Variants in MYOCD observed in about 807,000 individuals in gnomAD.
MYOCD encodes myocardin.
A neutral mutation model predicts 96.1 loss-of-function variants in MYOCD; 32 were observed. The observed-to-expected ratio is 0.33, with a 90% CI of 0.25 to 0.45. The LOEUF is 0.45. Among genes scored for constraint, MYOCD ranks in the 20% least tolerant of loss-of-function variants. MYOCD has a pLI of 1.00. For synonymous variants in MYOCD, 469 were observed against 469.0 expected, an observed-to-expected ratio of 1.00 and a Z score of 0.00; for missense variants, 1,133 against 1,200.6, an observed-to-expected ratio of 0.94 and a Z score of 0.83.
chr17:12,699,627 G>C (rs879352061), intron 1 of MYOCD, among the ~76,000 whole-genome samples: 2 of 152,028 alleles, frequency 1.3e-5, no homozygotes, highest in Non-Finnish European at 2.9e-5. Flanking sequence ...TATGCTCATC[G>C]TTTTTTCAGA....
In MYOCD at chr17:12,767,871, T is replaced by C. The variant is rs1290409275; in HGVS notation, c.*4227T>C. On this transcript the variant is annotated 3_prime_UTR_variant, in exon 14 of 14. Coordinates refer to ENST00000425538, the MANE Select transcript of MYOCD (RefSeq NM_001146312.3). ...AAGCATTTTTGTGTCCTATCCCTAC[T>C]TATCGTAGCAGCTCTATAGACAAAA... 1 of 152,168 alleles carries C rather than the reference T, an allele frequency of 6.6e-6. No homozygotes were observed. The highest frequency in any genetic ancestry group is 6.6e-5 in the Admixed American group (1 of 15,266). The allele number at this position is 152,168 out of a possible 1,614,324, so 9.4% of individuals were successfully genotyped here.
rs4054959 is a variant in MYOCD at position 12,714,323 on chromosome 17, GCA to G, written c.122-1158_122-1157del. On this transcript the variant is annotated intron_variant, in intron 2 of 13. Transcript: ENST00000425538. ...GTCTTAAGGGTTGAATGAGGCACGT[GCA>G]CACACACACACACACACACACACAC... Among the ~76,000 whole-genome samples, 577 of 136,122 alleles carry G rather than the reference GCA, an allele frequency of 4.2e-3. 5 individuals carry two copies. Among genetic ancestry groups the G allele is most frequent in the South Asian group, 8.1e-3 (32 of 3,952 alleles). The allele number at this position is 136,122 out of a possible 152,430, so 89.3% of individuals were successfully genotyped here.
chr17:12,742,274 C>T (rs1455720820), intron 7 of MYOCD, among the ~76,000 whole-genome samples: 2 of 152,168 alleles, frequency 1.3e-5, no homozygotes, highest in Non-Finnish European at 2.9e-5. Context: ...GTTCATTATT[C>T]ATTAGTCGCC....
chr17:12,735,595 T>TGA (rs1395596547), intron 5 of MYOCD, among the ~76,000 whole-genome samples: 1 of 152,228 alleles, frequency 6.6e-6, no homozygotes, highest in Non-Finnish European at 1.5e-5. Context: ...GTTGAATGGC[T>TGA]CTTTGGGATG....
intron 1 of MYOCD, among the ~76,000 whole-genome samples, chr17:12,703,151 AT>A (rs2150671610): frequency 6.6e-6 from 1 of 151,848 alleles, no homozygotes; most frequent in South Asian, 2.1e-4. Context: ...CGGGGTGTTT[AT>A]CTGTTTCTCT....
At chr17:12,749,103 A>G (rs1362770080) in intron 9 of MYOCD, among the ~76,000 whole-genome samples, 1 of 152,212 alleles carries the variant, frequency 6.6e-6, no homozygotes, top group East Asian at 1.9e-4. Context: ...TTTTCTTAAC[A>G]CATCGTGAAC....
intron 1 of MYOCD, among the ~76,000 whole-genome samples, chr17:12,689,512 G>A (rs1322748760): frequency 1.3e-5 from 2 of 152,142 alleles, no homozygotes. Flanking sequence ...ATTTGATATA[G>A]AAATGAATGA....
In MYOCD at chr17:12,666,164, G is replaced by A; in HGVS notation, c.-25G>A. 6.2e-7 allele frequency: 1 copy of A among 1,608,906 alleles called. No individual in the cohort carries two copies. The highest frequency in any genetic ancestry group is 2.2e-5 in the East Asian group (1 of 44,830). ...GAGAACAGGGGGCGCCTGGCCAAGG[G>A]ACCAGCGGCTTGCTGAGACTCAACA... On this transcript the variant is annotated 5_prime_UTR_variant, in exon 1 of 14. Coordinates refer to ENST00000425538, the MANE Select transcript of MYOCD (RefSeq NM_001146312.3).
At chr17:12,723,317 TC>T (rs2031901607) in intron 5 of MYOCD, among the ~76,000 whole-genome samples, 1 of 152,172 alleles carries the variant, frequency 6.6e-6, no homozygotes, top group Admixed American at 6.5e-5. Context: ...GGAGTCACAG[TC>T]ATGGTCCTGT....
At chr17:12,717,116 G>A (rs2031670808) in intron 3 of MYOCD, among the ~76,000 whole-genome samples, 1 of 151,118 alleles carries the variant, frequency 6.6e-6, no homozygotes, top group African/African-American at 2.4e-5. Context: ...CCCTGAAAAA[G>A]CTTTAGGTTT....
chr17:12,716,842 T>A (rs975418429), intron 3 of MYOCD, among the ~76,000 whole-genome samples: 1 of 151,698 alleles, frequency 6.6e-6, no homozygotes, highest in Non-Finnish European at 1.5e-5. Context: ...AGAAAAAAAT[T>A]AGCTGGGTTT....
At chr17:12,718,492 C>T (rs187989437) in intron 4 of MYOCD, among the ~76,000 whole-genome samples, 224 of 152,272 alleles carry the variant, frequency 1.5e-3, no homozygotes, top group South Asian at 6.6e-3. Context: ...TTAAAGCGCA[C>T]GAAAGACTCT....
intron 5 of MYOCD, among the ~76,000 whole-genome samples, chr17:12,726,038 T>C (rs2031988630): frequency 6.6e-6 from 1 of 152,196 alleles, no homozygotes; most frequent in Admixed American, 6.5e-5. Context: ...TGCTAGTATT[T>C]TATTTGGGAT....
chr17:12,763,019 G>A, intron 13 of MYOCD, 54 bp from the exon 14 acceptor site: 1 of 1,460,816 alleles, frequency 6.8e-7, no homozygotes, highest in Admixed American at 1.9e-5. Context: ...CTCATATTGT[G>A]TGGCATGCTC....
At position 12,705,163 on chromosome 17, in the gene MYOCD, G is replaced by A. The variant is rs774007025; in HGVS notation, c.91G>A (p.Glu31Lys). Residue 31 changes from glutamate (E) to lysine (K), a missense_variant, in exon 2 of 14, where the codon GAA (glutamate) becomes AAA (lysine). Transcript: ENST00000425538. ...AAGACTTCAACAAAGAAGGACCCAG[G>A]AACAACTGGCTAACCAAGGCATAAT... Reference protein sequence around the residue: ...QLRLQQRRTQEQLANQGIIPP... With the variant: ...QLRLQQRRTQKQLANQGIIPP... The A allele has an allele frequency of 6.2e-7, 1 of 1,613,610 alleles. No homozygotes were observed. Among genetic ancestry groups the A allele is most frequent in the Non-Finnish European group, 8.5e-7 (1 of 1,179,660 alleles).
Position 12,744,431 on chromosome 17 carries a change from G to C in MYOCD, c.966G>C (p.Gln322His). The change falls in exon 8 of 14, where the codon CAG becomes CAC. Residue 322 changes from glutamine to histidine, a missense_variant. Gln to His is a conservative substitution (Grantham distance 24, BLOSUM62 0). Transcript: ENST00000425538. ...GCTACCTAGGGATGCACCAAGCTCAGCTTAAGTAAGTCCGGCAAGGCTGGG... is the reference window on the plus strand; with the variant it reads ...GCTACCTAGGGATGCACCAAGCTCACCTTAAGTAAGTCCGGCAAGGCTGGG... ...RFSYLGMHQA[Q>H]LKEPNEQMVR... 1 of 1,608,798 alleles carries C rather than the reference G, an allele frequency of 6.2e-7. No individual in the cohort carries two copies. The highest frequency in any genetic ancestry group is 8.5e-7 in the Non-Finnish European group (1 of 1,177,276).
intron 5 of MYOCD, among the ~76,000 whole-genome samples, chr17:12,730,247 G>A (rs568948867): frequency 2.6e-5 from 4 of 151,992 alleles, no homozygotes; most frequent in South Asian, 4.2e-4. Context: ...TCAGAAGTTC[G>A]AGACCAACCT....
At chr17:12,722,653 C>T (rs771216900) in intron 4 of MYOCD, among the ~76,000 whole-genome samples, 194 bp from the exon 5 acceptor site, 4 of 152,140 alleles carry the variant, frequency 2.6e-5, no homozygotes, top group African/African-American at 9.7e-5. Context: ...ATGTGCCTCT[C>T]GATTTGCCTT....
rs537532837 is a variant in MYOCD, at chr17:12,749,682, CAT to C, written c.1126-2729_1126-2728del. ...ATATACACATATGTATATACACATA[CAT>C]ATGTGTATATATGTATACATATGTG... On this transcript the variant is annotated intron_variant, in intron 9 of 13. Transcript: ENST00000425538. Among the ~76,000 whole-genome samples, 64 of 145,424 alleles carry C rather than the reference CAT, an allele frequency of 4.4e-4. No homozygotes were observed. In the East Asian group the frequency reaches 6.1e-3, roughly 14 times the overall value.
Sources: allele counts gnomAD v4.1 joint callset (sites outside exome capture counted in the v4.1 genomes callset), GRCh38; gene constraint gnomAD v4.1.1; transcripts MANE v1.5; gene names NCBI Gene and HGNC (gene_info 2026-07-23, HGNC 2026-07-21).